Variants in DCAF8 observed in about 807,000 individuals in gnomAD.
DCAF8 encodes DDB1- and CUL4-associated factor 8.
In DCAF8, 20 loss-of-function variants were observed where a neutral mutation model predicts 68.0. The observed-to-expected ratio is 0.29, with a 90% CI of 0.21 to 0.43. DCAF8 has a LOEUF of 0.43. Ranked by LOEUF, DCAF8 falls within the 20% of genes least tolerant of loss-of-function variation. The probability of loss-of-function intolerance (pLI) is 1.00; values close to 1 mark genes in which losing one functional copy is unlikely to be tolerated. For synonymous variants in DCAF8, 230 were observed against 276.9 expected, an observed-to-expected ratio of 0.83 and a Z score of 1.68; for missense variants, 460 against 771.0, an observed-to-expected ratio of 0.60 and a Z score of 4.78.
At chr1:160,227,088 T>G (rs190810179) in intron 7 of DCAF8, among the ~76,000 whole-genome samples, 1 of 152,218 alleles carries the variant, frequency 6.6e-6, no homozygotes, top group South Asian at 2.1e-4. Context: ...GCATACTTTC[T>G]GGAGGTTCAC....
chr1:160,226,221 C>A (rs1014932190), intron 7 of DCAF8, among the ~76,000 whole-genome samples: 1 of 152,126 alleles, frequency 6.6e-6, no homozygotes, highest in Admixed American at 6.5e-5. Context: ...ACATTACCTA[C>A]CGAAAAAGGT....
At position 160,224,562 on chromosome 1, in the gene DCAF8, A is replaced by G. The variant is rs367616947; in HGVS notation, c.1202-13T>C. On this transcript the variant is annotated splice_polypyrimidine_tract_variant and intron_variant, in intron 9 of 13. Coordinates refer to ENST00000368074, the MANE Select transcript of DCAF8 (RefSeq NM_015726.4). ...CTGGCCAGGAGCTCTGCCAAGAACA[A>G]GAACATAGCAGTGAAGGCAAAGGCT... The G allele has an allele frequency of 1.1e-5, 18 of 1,602,706 alleles. No homozygotes were observed. The African/African-American group carries it at 2.3e-4, about 20-fold the overall frequency.
chr1:160,239,887 ACT>A lies in DCAF8; in HGVS notation c.531_532del (p.Arg177SerfsTer13). 1 of 1,614,038 alleles carries A rather than the reference ACT, an allele frequency of 6.2e-7. No homozygotes were observed. ...CTGCAGGCGGAAACGCTGCACAAAG[ACT>A]CTTGCCCCACAGGCCTCATAGACAA... On this transcript the variant is annotated frameshift_variant, in exon 4 of 14. Transcript: ENST00000368074. LOFTEE classifies it high-confidence loss of function.
chr1:160,249,528 C>G (rs1241479324), intron 2 of DCAF8, among the ~76,000 whole-genome samples: 4 of 152,158 alleles, frequency 2.6e-5, no homozygotes, highest in African/African-American at 9.7e-5. Flanking sequence ...AAAAGAGGCT[C>G]AGACCTGTTA....
chr1:160,235,226 T>G (rs550937474), intron 6 of DCAF8, among the ~76,000 whole-genome samples: 1 of 150,974 alleles, frequency 6.6e-6, no homozygotes, highest in Admixed American at 6.6e-5. Flanking sequence ...CTCCACCTCC[T>G]GGGCTCAAGC....
chr1:160,230,483 G>A (rs577920692), intron 7 of DCAF8, among the ~76,000 whole-genome samples: 6 of 152,156 alleles, frequency 3.9e-5, no homozygotes, highest in Non-Finnish European at 8.8e-5. Flanking sequence ...TCAAGAGCCA[G>A]TGTTAACAAA....
chr1:160,262,081 G>C (rs1247167407), intron 1 of DCAF8: 2 of 359,034 alleles, frequency 5.6e-6, no homozygotes, highest in Non-Finnish European at 5.0e-6. Context: ...CCTGTGAACT[G>C]TGCGGCTGGC....
Position 160,262,466 on chromosome 1 carries a change from A to G in DCAF8, c.-118T>C, listed in dbSNP as rs1370667118. 6 of 401,174 alleles carry G rather than the reference A, an allele frequency of 1.5e-5. No individual in the cohort carries two copies. Among genetic ancestry groups the G allele is most frequent in the East Asian group, 7.1e-5 (2 of 28,186 alleles). The allele number at this position is 401,174 out of a possible 1,614,324, so 24.9% of individuals were successfully genotyped here. On this transcript the variant is annotated 5_prime_UTR_variant, in exon 1 of 14. Coordinates refer to ENST00000368074, the MANE Select transcript of DCAF8 (RefSeq NM_015726.4). ...CATCTTACACTGGCCAGCGGCCGCCACCACCACCGCCTCCGCTCTCTGCGC... is the reference window on the plus strand; with the variant it reads ...CATCTTACACTGGCCAGCGGCCGCCGCCACCACCGCCTCCGCTCTCTGCGC...
chr1:160,234,419 G>A (rs982364564), intron 6 of DCAF8, among the ~76,000 whole-genome samples: 1 of 152,092 alleles, frequency 6.6e-6, no homozygotes. Context: ...CCTCTTTAGA[G>A]TCTATCCCAC....
At chr1:160,227,419 C>G (rs972301307) in intron 7 of DCAF8, among the ~76,000 whole-genome samples, 1 of 152,204 alleles carries the variant, frequency 6.6e-6, no homozygotes, top group African/African-American at 2.4e-5. Context: ...CACACACCAC[C>G]ATGCTGAGCT....
At chr1:160,221,675 G>C (rs1655300797) in intron 11 of DCAF8, among the ~76,000 whole-genome samples, 1 of 152,124 alleles carries the variant, frequency 6.6e-6, no homozygotes. Flanking sequence ...AGCTGTCTCA[G>C]TCATTCCTTA....
Position 160,250,193 on chromosome 1 carries a change from G to C in DCAF8, c.-26-6159C>G, listed in dbSNP as rs142725744. Among the ~76,000 whole-genome samples, 567 of 152,334 alleles carry C rather than the reference G, an allele frequency of 3.7e-3. 1 individual carries two copies. Among genetic ancestry groups the C allele is most frequent in the African/African-American group, 0.013 (535 of 41,576 alleles). On this transcript the variant is annotated intron_variant, in intron 2 of 13. Coordinates refer to ENST00000368074, the MANE Select transcript of DCAF8 (RefSeq NM_015726.4). ...AAAAGAGCGAATGCAGGCCGGCGCA[G>C]TGGCTCATGCCTGTAATCCCAACAC...
intron 4 of DCAF8, chr1:160,239,229 T>G (rs1332442629): frequency 9.0e-6 from 10 of 1,112,284 alleles, no homozygotes; most frequent in Non-Finnish European, 9.9e-6. Context: ...AGCTAACATT[T>G]ATCAAATGTT....
chr1:160,222,530 C>A, intron 11 of DCAF8, 121 bp downstream of exon 11: 1 of 1,365,724 alleles, frequency 7.3e-7, no homozygotes, highest in Non-Finnish European at 1.0e-6. Flanking sequence ...TCTTTTATGG[C>A]TGGCTGGACC....
intron 2 of DCAF8, among the ~76,000 whole-genome samples, chr1:160,259,257 G>A (rs1173375094): frequency 1.1e-4 from 16 of 152,230 alleles, no homozygotes; most frequent in East Asian, 3.9e-4. Context: ...CTCTTTGGCC[G>A]GGCATGGTGG....
At chr1:160,220,917 G>A (rs1409613294) in intron 11 of DCAF8, 2 of 152,250 alleles carry the variant, frequency 1.3e-5, no homozygotes, top group Admixed American at 6.5e-5. Context: ...ACAGAGCAGA[G>A]GGAGCCAAGT....
At chr1:160,261,730 TAACAATCATGAGTCAG>T (rs1657099187) in intron 1 of DCAF8, 1 of 152,234 alleles carries the variant, frequency 6.6e-6, no homozygotes, top group Non-Finnish European at 1.5e-5. Context: ...GAGACTCCAG[TAACAATCATGAGTCAG>T]AAATTCAAGC....
intron 2 of DCAF8, among the ~76,000 whole-genome samples, chr1:160,245,571 A>C (rs991667354): frequency 1.3e-5 from 2 of 152,228 alleles, no homozygotes; most frequent in Non-Finnish European, 1.5e-5. Context: ...GAAATACTGC[A>C]AGACTGGGGC....
chr1:160,257,314 C>A (rs74125547), intron 2 of DCAF8, among the ~76,000 whole-genome samples: 2,409 of 151,394 alleles, frequency 0.016, 63 homozygotes, highest in African/African-American at 0.049. Flanking sequence ...TAAAAACTAA[C>A]TCTAACACCA....
Sources: gnomAD v4.1 joint callset for allele counts (sites outside exome capture counted in the v4.1 genomes callset) on GRCh38, gnomAD v4.1.1 for gene constraint, MANE v1.5 for transcripts, NCBI Gene and HGNC (gene_info 2026-07-23, HGNC 2026-07-21) for gene names.